MPP7: variants seen among roughly 807,000 people sequenced by gnomAD.
MPP7 encodes the protein MAGUK p55 subfamily member 7.
MPP7 carries 60 observed loss-of-function variants against 76.5 expected under a neutral mutation model. That is an observed-to-expected ratio of 0.78 (90% CI 0.64 to 0.97). The LOEUF (loss-of-function observed/expected upper bound fraction) is 0.97, where lower values mean the gene tolerates loss of function less well. Ranked by LOEUF, MPP7 falls within the 50% of genes least tolerant of loss-of-function variation. The pLI is 0.00. For synonymous variants in MPP7, 237 were observed against 244.5 expected (o/e 0.97, Z 0.29); for missense variants, 641 against 694.0 (o/e 0.92, Z 0.86).
At chr10:28,331,170 A>T (rs771453082) in intron 1 of MPP7, among the ~76,000 whole-genome samples, 54 of 152,164 alleles carry the variant, frequency 3.5e-4, no homozygotes, top group Non-Finnish European at 3.7e-4. Context: ...TTGATGAATT[A>T]ATGAAAAAAG....
chr10:28,061,018 G>A (rs1404783374), intron 13 of MPP7, among the ~76,000 whole-genome samples: 1 of 152,124 alleles, frequency 6.6e-6, no homozygotes, highest in Non-Finnish European at 1.5e-5. Flanking sequence ...TATAACAAAG[G>A]TGAGATAAAA....
At chr10:28,257,758 A>G (rs1482341229) in intron 1 of MPP7, among the ~76,000 whole-genome samples, 1 of 140,404 alleles carries the variant, frequency 7.1e-6, no homozygotes. Context: ...AAAAAAAAAA[A>G]AAGAAAAGAA....
intron 3 of MPP7, among the ~76,000 whole-genome samples, chr10:28,198,316 C>T (rs146098703): frequency 4.4e-4 from 67 of 152,284 alleles, no homozygotes; most frequent in African/African-American, 1.6e-3. Context: ...GTGGCTCACA[C>T]CTGTAGTCCT....
intron 11 of MPP7, among the ~76,000 whole-genome samples, chr10:28,116,744 T>C (rs746292621): frequency 1.4e-4 from 21 of 152,144 alleles, no homozygotes; most frequent in Non-Finnish European, 2.4e-4. Context: ...GTTTTAGTTT[T>C]CAGGAATTTT....
intron 3 of MPP7, among the ~76,000 whole-genome samples, chr10:28,152,560 C>G (rs994128850): frequency 6.6e-6 from 1 of 152,186 alleles, no homozygotes; most frequent in Non-Finnish European, 1.5e-5. Context: ...GTTTTATAGC[C>G]GTTTGCCCAA....
intron 3 of MPP7, among the ~76,000 whole-genome samples, chr10:28,181,192 C>T (rs965332980): frequency 1.3e-5 from 2 of 151,920 alleles, no homozygotes; most frequent in Admixed American, 6.6e-5. Context: ...TTTAAAAATA[C>T]TCAATTTTAA....
Position 28,117,406 on chromosome 10 carries a change from T to C in MPP7, c.952+2245A>G, listed in dbSNP as rs892316978. On this transcript the variant is annotated intron_variant, in intron 11 of 16. Coordinates refer to ENST00000683449, the MANE Select transcript of MPP7 (RefSeq NM_001318170.2). Reference sequence around the variant, plus strand: ...TTTTAATTGAATCAGAAACTTTTTTTACAACCCTATTCTATTAATATTCAA... The same window carrying C: ...TTTTAATTGAATCAGAAACTTTTTTCACAACCCTATTCTATTAATATTCAA... Among the ~76,000 whole-genome samples the C allele has an allele frequency of 2.6e-5, 4 of 152,124 alleles. No individual in the cohort carries two copies. In the East Asian group the frequency reaches 5.8e-4, roughly 22 times the overall value.
At chr10:28,301,609 T>C (rs780734704) in intron 1 of MPP7, among the ~76,000 whole-genome samples, 1 of 152,186 alleles carries the variant, frequency 6.6e-6, no homozygotes, top group Non-Finnish European at 1.5e-5. Context: ...ATTATAGGTA[T>C]AAAATAAAGT....
chr10:28,269,131 A>C (rs768531089), intron 1 of MPP7, among the ~76,000 whole-genome samples: 1 of 152,200 alleles, frequency 6.6e-6, no homozygotes, highest in Non-Finnish European at 1.5e-5. Context: ...GTGTGATATA[A>C]ATACTTTACG....
chr10:28,329,333 T>C (rs1331621412), intron 2 of MPP7, among the ~76,000 whole-genome samples: 1 of 152,188 alleles, frequency 6.6e-6, no homozygotes, highest in Non-Finnish European at 1.5e-5. Flanking sequence ...AGTATCGATT[T>C]TTACATGTTA....
intron 5 of MPP7, among the ~76,000 whole-genome samples, chr10:28,147,061 C>T (rs937569750): frequency 6.6e-6 from 1 of 151,846 alleles, no homozygotes; most frequent in Admixed American, 6.6e-5. Flanking sequence ...AGTAAAGGGA[C>T]AGGAAATGGG....
At chr10:28,083,219 C>A (rs564237350) in intron 12 of MPP7, among the ~76,000 whole-genome samples, 1 of 152,238 alleles carries the variant, frequency 6.6e-6, no homozygotes, top group Non-Finnish European at 1.5e-5. Context: ...TCCAATGTGC[C>A]ATACACATAA....
chr10:28,226,541 C>T (rs975750134), intron 2 of MPP7, among the ~76,000 whole-genome samples: 8 of 152,096 alleles, frequency 5.3e-5, no homozygotes, highest in Non-Finnish European at 8.8e-5. Context: ...CCACCACACC[C>T]GGCCAGGTCA....
intron 3 of MPP7, among the ~76,000 whole-genome samples, chr10:28,183,404 A>G (rs755462050): frequency 2.8e-4 from 42 of 152,232 alleles, no homozygotes; most frequent in Non-Finnish European, 4.6e-4. Context: ...AGCCAACTCA[A>G]GAACTTTTTA....
In MPP7 at chr10:28,119,681, G is replaced by C; in HGVS notation, c.922C>G (p.Gln308Glu). 1 of 1,613,634 alleles carries C rather than the reference G, an allele frequency of 6.2e-7. No individual in the cohort carries two copies. Among genetic ancestry groups the C allele is most frequent in the African/African-American group, 1.3e-5 (1 of 74,998 alleles). The change falls in exon 11 of 17, where the codon CAG (glutamine) becomes GAG (glutamate). Residue 308 changes from glutamine to glutamate, a missense_variant. By Grantham distance (29) the Gln-to-Glu change is conservative. Coordinates refer to ENST00000683449, the MANE Select transcript of MPP7 (RefSeq NM_001318170.2). ...TTCCTGTTGGAAACTTTCAGGGGCT[G>C]AACCAATATTTCTGGTCGTCTCAAA... ...LALRRPEILV[Q>E]PLKVSNRKSS...
chr10:28,295,425 A>G (rs1353708296), intron 1 of MPP7, among the ~76,000 whole-genome samples: 1 of 152,182 alleles, frequency 6.6e-6, no homozygotes, highest in Non-Finnish European at 1.5e-5. Context: ...AAGCCATAAT[A>G]GGAAGAGAAA....
At chr10:28,241,092 T>G (rs1382472618) in intron 1 of MPP7, among the ~76,000 whole-genome samples, 1 of 152,170 alleles carries the variant, frequency 6.6e-6, no homozygotes, top group African/African-American at 2.4e-5. Context: ...GAACTTACAA[T>G]GTTTCATGCT....
chr10:28,258,038 C>T (rs1036651123), intron 1 of MPP7, among the ~76,000 whole-genome samples: 22 of 152,054 alleles, frequency 1.4e-4, no homozygotes, highest in African/African-American at 5.1e-4. Context: ...ACATACACAT[C>T]TGCAGAACTT....
At chr10:28,111,413 A>G (rs1834502569) in intron 11 of MPP7, among the ~76,000 whole-genome samples, 2 of 152,216 alleles carry the variant, frequency 1.3e-5, no homozygotes, top group Admixed American at 1.3e-4. Context: ...ATAGCTTATT[A>G]AATAACCAAA....
Sources: allele counts gnomAD v4.1 joint callset (sites outside exome capture counted in the v4.1 genomes callset), GRCh38; gene constraint gnomAD v4.1.1; transcripts MANE v1.5; gene names NCBI Gene and HGNC (gene_info 2026-07-23, HGNC 2026-07-21).